PIP: variants seen among roughly 807,000 people sequenced by gnomAD.
PIP encodes prolactin induced protein, also known as prolactin-inducible protein.
In PIP, 9 loss-of-function variants were observed where a neutral mutation model predicts 12.8. The ratio of observed to expected loss-of-function variants is 0.70; its 90% CI spans 0.42 to 1.23. The LOEUF is 1.23. Among genes scored for constraint, PIP ranks in the 50% most tolerant of loss-of-function variants. The pLI is 0.00. For synonymous variants in PIP, 60 were observed against 66.1 expected (o/e 0.91, Z 0.45); for missense variants, 172 against 179.5 (o/e 0.96, Z 0.24).
chr7:143,137,533 C>T (rs315290), intron 2 of PIP, among the ~76,000 whole-genome samples: 45,734 of 152,036 alleles, frequency 0.3, 10,131 homozygotes, highest in African/African-American at 0.62. Flanking sequence ...AGGCATGCAA[C>T]GGATTCTGAT....
intron 1 of PIP, among the ~76,000 whole-genome samples, chr7:143,134,216 ATATATATATATATATAT>A (rs1799277359): frequency 1.6e-5 from 2 of 123,440 alleles, no homozygotes; most frequent in African/African-American, 6.2e-5. Flanking sequence ...ATATATATAT[ATATATATATATATATAT>A]ACCACAGTTT....
intron 2 of PIP, among the ~76,000 whole-genome samples, chr7:143,136,683 G>A (rs1262007988): frequency 2.0e-5 from 3 of 152,012 alleles, no homozygotes; most frequent in South Asian, 2.1e-4. Context: ...ATAGTTAATG[G>A]TAGTGGTAGG....
At chr7:143,137,615 C>T (rs1271865850) in intron 2 of PIP, among the ~76,000 whole-genome samples, 1 of 152,034 alleles carries the variant, frequency 6.6e-6, no homozygotes, top group African/African-American at 2.4e-5. Flanking sequence ...GAAAGGTAAA[C>T]AAGGCCGGGC....
intron 1 of PIP, among the ~76,000 whole-genome samples, chr7:143,134,182 T>TCATATA (rs1799274321): frequency 1.3e-5 from 1 of 76,606 alleles, no homozygotes; most frequent in African/African-American, 5.2e-5. Flanking sequence ...TAGTATTCCA[T>TCATATA]CATATATATA....
chr7:143,138,635 G>C (rs937756454), intron 2 of PIP, among the ~76,000 whole-genome samples: 1 of 152,090 alleles, frequency 6.6e-6, no homozygotes, highest in Non-Finnish European at 1.5e-5. Context: ...GCACAGATGG[G>C]GCTTGGTCAC....
At chr7:143,136,382 T>C (rs1799310162) in intron 2 of PIP, among the ~76,000 whole-genome samples, 1 of 152,038 alleles carries the variant, frequency 6.6e-6, no homozygotes, top group Admixed American at 6.6e-5. Flanking sequence ...TAAAACAACA[T>C]TGAGAACATG....
intron 1 of PIP, among the ~76,000 whole-genome samples, chr7:143,134,233 T>TATATATATATATAA (rs1277832613): frequency 1.2e-5 from 1 of 86,374 alleles, no homozygotes; most frequent in African/African-American, 4.6e-5. Context: ...TATATATATA[T>TATATATATATATAA]ACCACAGTTT....
chr7:143,138,937 C>A, intron 2 of PIP, 138 bp from the exon 3 acceptor site: 1 of 638,132 alleles, frequency 1.6e-6, no homozygotes, highest in Non-Finnish European at 2.8e-6. Flanking sequence ...AATGATACTA[C>A]AACAGTAGAC....
In PIP at chr7:143,139,273, C is replaced by T. The variant is rs900505603; in HGVS notation, c.316+84C>T. 42 of 923,138 alleles carry T rather than the reference C, an allele frequency of 4.5e-5. No homozygotes were observed. In the Middle Eastern group the frequency reaches 8.4e-4, roughly 19 times the overall value. 57.2% of individuals were successfully genotyped at this position (923,138 alleles called of 1,614,324 possible). A position where few individuals can be genotyped will look rare whatever the true frequency, so the allele number is the denominator to read the frequency against. On this transcript the variant is annotated intron_variant, in intron 3 of 3. Transcript: ENST00000291009. ...TATAAACAGAAACATGGCTGCGAAC[C>T]GAGCAGGACCAGGACCTCAGGGCAG...
At position 143,139,261 on chromosome 7, in the gene PIP, A is replaced by G. The variant is rs1586370280; in HGVS notation, c.316+72A>G. 1.6e-5 allele frequency: 15 copies of G among 956,084 alleles called. No individual in the cohort carries two copies. In the Admixed American group the frequency reaches 1.7e-4, roughly 11 times the overall value. The allele number at this position is 956,084 out of a possible 1,614,324, so 59.2% of individuals were successfully genotyped here. A position where few individuals can be genotyped will look rare whatever the true frequency, so the allele number is the denominator to read the frequency against. On this transcript the variant is annotated intron_variant, in intron 3 of 3. Coordinates refer to ENST00000291009, the MANE Select transcript of PIP (RefSeq NM_002652.3). ...GGGAGGAGAAACTATAAACAGAAAC[A>G]TGGCTGCGAACCGAGCAGGACCAGG...
chr7:143,134,233 T>TATATATATATATAAAA (rs1277832613), intron 1 of PIP, among the ~76,000 whole-genome samples: 2 of 86,384 alleles, frequency 2.3e-5, no homozygotes, highest in African/African-American at 9.3e-5. Context: ...TATATATATA[T>TATATATATATATAAAA]ACCACAGTTT....
Position 143,135,316 on chromosome 7 carries a change from G to T in PIP, c.201+17G>T. On this transcript the variant is annotated intron_variant, in intron 2 of 3. Coordinates refer to ENST00000291009, the MANE Select transcript of PIP (RefSeq NM_002652.3). ...TGCATGGTGGTAAGTAGAGGACTGG[G>T]GGCGTGACTTCAAAAGATAATTCAA... The T allele has an allele frequency of 1.7e-6, 2 of 1,197,736 alleles. No homozygotes were observed. The highest frequency in any genetic ancestry group is 1.2e-6 in the Non-Finnish European group (1 of 804,236). The allele number at this position is 1,197,736 out of a possible 1,614,324, so 74.2% of individuals were successfully genotyped here.
intron 1 of PIP, among the ~76,000 whole-genome samples, chr7:143,133,526 G>A (rs2116565589): frequency 6.6e-6 from 1 of 152,090 alleles, no homozygotes; most frequent in Middle Eastern, 3.4e-3. Flanking sequence ...GAGTTTCTAG[G>A]GACGAGAAAA....
At chr7:143,137,803 G>A (rs1379795004) in intron 2 of PIP, among the ~76,000 whole-genome samples, 1 of 151,966 alleles carries the variant, frequency 6.6e-6, no homozygotes, top group Non-Finnish European at 1.5e-5. Flanking sequence ...AGGAGGCTGA[G>A]GCAGAAGAAT....
At chr7:143,133,136 A>C (rs1799261994) in intron 1 of PIP, among the ~76,000 whole-genome samples, 1 of 151,948 alleles carries the variant, frequency 6.6e-6, no homozygotes, top group African/African-American at 2.4e-5. Context: ...TATTCAAATA[A>C]GCTATGCTAA....
chr7:143,137,323 T>G (rs1267089377), intron 2 of PIP, among the ~76,000 whole-genome samples: 1 of 152,128 alleles, frequency 6.6e-6, no homozygotes, highest in Non-Finnish European at 1.5e-5. Context: ...AGTGACTAAC[T>G]TGTAAAAAAT....
At chr7:143,139,280 G>T in intron 3 of PIP, 91 bp downstream of exon 3, 1 of 902,026 alleles carries the variant, frequency 1.1e-6, no homozygotes, top group South Asian at 1.3e-5. Flanking sequence ...AACCGAGCAG[G>T]ACCAGGACCT....
chr7:143,138,630 G>A (rs1266742804), intron 2 of PIP, among the ~76,000 whole-genome samples: 1 of 152,154 alleles, frequency 6.6e-6, no homozygotes, highest in Non-Finnish European at 1.5e-5. Flanking sequence ...GAGGAGCACA[G>A]ATGGGGCTTG....
At chr7:143,136,802 C>A (rs906080999) in intron 2 of PIP, among the ~76,000 whole-genome samples, 1 of 151,828 alleles carries the variant, frequency 6.6e-6, no homozygotes, top group African/African-American at 2.4e-5. Context: ...TAAAATAAAG[C>A]AATCTTTTCA....
Sources: gnomAD v4.1 joint callset for allele counts (sites outside exome capture counted in the v4.1 genomes callset) on GRCh38, gnomAD v4.1.1 for gene constraint, MANE v1.5 for transcripts, NCBI Gene and HGNC (gene_info 2026-07-23, HGNC 2026-07-21) for gene names.